Variants in REDIC1 observed in about 807,000 individuals in gnomAD.
REDIC1 encodes HEI10 Interacting Protein 1.
the REDIC1 span, chr12:39,764,655 A>C: frequency 3.2e-6 from 5 of 1,582,628 alleles, no homozygotes; most frequent in African/African-American, 5.5e-5. Context: ...ATAGCATGTA[A>C]GAAATTTGAA....
the REDIC1 span, among the ~76,000 whole-genome samples, chr12:39,669,093 T>G: frequency 2.8e-4 from 43 of 152,348 alleles, no homozygotes; most frequent in Admixed American, 2.6e-3. Flanking sequence ...CCCTTGCTGG[T>G]GAGGAGCTGC....
the REDIC1 span, among the ~76,000 whole-genome samples, chr12:39,666,741 A>T: frequency 6.6e-6 from 1 of 152,274 alleles, no homozygotes; most frequent in Admixed American, 6.5e-5. Flanking sequence ...CCTCAATTTC[A>T]GAGCCTGTTA....
chr12:39,718,688 G>C, the REDIC1 span, among the ~76,000 whole-genome samples: 1 of 151,910 alleles, frequency 6.6e-6, no homozygotes, highest in South Asian at 2.1e-4. Context: ...TCCTGGAATA[G>C]GGCACTTTTG....
chr12:39,890,709 C>T, the REDIC1 span, among the ~76,000 whole-genome samples: 1 of 151,978 alleles, frequency 6.6e-6, no homozygotes, highest in Non-Finnish European at 1.5e-5. Flanking sequence ...ACAGTTATTA[C>T]ATATCAATTA....
chr12:39,707,258 A>C, the REDIC1 span, among the ~76,000 whole-genome samples: 1 of 151,976 alleles, frequency 6.6e-6, no homozygotes, highest in Non-Finnish European at 1.5e-5. Context: ...ATATGAAAGG[A>C]TGCTCAACAT....
At chr12:39,788,270 T>G in the REDIC1 span, among the ~76,000 whole-genome samples, 4 of 152,086 alleles carry the variant, frequency 2.6e-5, no homozygotes, top group Non-Finnish European at 4.4e-5. Context: ...TAACTAATAA[T>G]AAAATAAAAA....
the REDIC1 span, among the ~76,000 whole-genome samples, chr12:39,693,694 C>T: frequency 6.6e-6 from 1 of 151,680 alleles, no homozygotes; most frequent in African/African-American, 2.4e-5. Flanking sequence ...CAGTCAATGC[C>T]CTATTGATGG....
At chr12:39,816,601 A>T in the REDIC1 span, among the ~76,000 whole-genome samples, 1 of 151,928 alleles carries the variant, frequency 6.6e-6, no homozygotes, top group African/African-American at 2.4e-5. Context: ...AAGAAAGAAA[A>T]ATCAAGGGTA....
At chr12:39,648,891 A>G in the REDIC1 span, among the ~76,000 whole-genome samples, 4 of 151,706 alleles carry the variant, frequency 2.6e-5, no homozygotes, top group Admixed American at 2.6e-4. Context: ...GACTTCCCAG[A>G]TAAGAGAAAA....
chr12:39,794,522 T>C, the REDIC1 span, among the ~76,000 whole-genome samples: 1 of 152,196 alleles, frequency 6.6e-6, no homozygotes, highest in Non-Finnish European at 1.5e-5. Context: ...TAGCCAAGTC[T>C]CAGCCAATCG....
chr12:39,796,716 T>C, the REDIC1 span, among the ~76,000 whole-genome samples: 1 of 152,162 alleles, frequency 6.6e-6, no homozygotes, highest in African/African-American at 2.4e-5. Flanking sequence ...TCAACTTTGT[T>C]TAGATGGGTC....
At chr12:39,660,234 C>T in the REDIC1 span, among the ~76,000 whole-genome samples, 1 of 152,292 alleles carries the variant, frequency 6.6e-6, no homozygotes, top group Non-Finnish European at 1.5e-5. Flanking sequence ...GTCTTACTCT[C>T]TGAAACACTC....
chr12:39,722,121 G>C, the REDIC1 span, among the ~76,000 whole-genome samples: 2 of 152,014 alleles, frequency 1.3e-5, no homozygotes, highest in African/African-American at 4.8e-5. Flanking sequence ...ATTGTTAGAG[G>C]TTTCTTTGCC....
chr12:39,782,030 A>T, the REDIC1 span, among the ~76,000 whole-genome samples: 4 of 152,350 alleles, frequency 2.6e-5, no homozygotes, highest in Non-Finnish European at 5.9e-5. Context: ...CTTGGATTCT[A>T]GATGGGCTTG....
the REDIC1 span, among the ~76,000 whole-genome samples, chr12:39,764,136 T>TTTG: frequency 1.3e-5 from 2 of 151,892 alleles, no homozygotes; most frequent in Admixed American, 1.3e-4. Context: ...TGTTTTTTTT[T>TTTG]TTTGTTTGTT....
chr12:39,776,832 A>G, the REDIC1 span, among the ~76,000 whole-genome samples: 1 of 152,246 alleles, frequency 6.6e-6, no homozygotes, highest in African/African-American at 2.4e-5. Flanking sequence ...ATGAAAAGTT[A>G]TAACAAAGTG....
At chr12:39,652,220 G>A in the REDIC1 span, among the ~76,000 whole-genome samples, 2 of 151,986 alleles carry the variant, frequency 1.3e-5, no homozygotes, top group Admixed American at 1.3e-4. Flanking sequence ...TCATGTATAA[G>A]TCTTTGTTTT....
At chr12:39,882,647 G>C in the REDIC1 span, among the ~76,000 whole-genome samples, 1 of 152,006 alleles carries the variant, frequency 6.6e-6, no homozygotes, top group Non-Finnish European at 1.5e-5. Flanking sequence ...CACCAAGAAA[G>C]CGTGAGCAAT....
At chr12:39,760,953 A>AACACAC in the REDIC1 span, among the ~76,000 whole-genome samples, 14 of 101,582 alleles carry the variant, frequency 1.4e-4, 1 homozygote, top group South Asian at 3.9e-4. Context: ...GTCTCTACCA[A>AACACAC]ACACACACAC....
Sources: gnomAD v4.1 joint callset for allele counts (sites outside exome capture counted in the v4.1 genomes callset) on GRCh38, gnomAD v4.1.1 for gene constraint, MANE v1.5 for transcripts, NCBI Gene and HGNC (gene_info 2026-07-23, HGNC 2026-07-21) for gene names.